Variants in EIF3D observed in about 807,000 individuals in gnomAD.
The protein encoded by EIF3D is eukaryotic translation initiation factor 3 subunit D, also known as eIF3 p66.
Under a neutral mutation model 75.4 loss-of-function variants are expected in EIF3D, and 10 were observed. That is an observed-to-expected ratio of 0.13 (90% CI 0.08 to 0.22). EIF3D has a LOEUF of 0.22. Among genes scored for constraint, EIF3D ranks in the 10% least tolerant of loss-of-function variants. The pLI is 1.00. For synonymous variants in EIF3D, 246 were observed against 248.3 expected, an observed-to-expected ratio of 0.99 and a Z score of 0.09; for missense variants, 394 against 708.0, an observed-to-expected ratio of 0.56 and a Z score of 5.03.
intron 5 of EIF3D, among the ~76,000 whole-genome samples, chr22:36,523,487 G>C (rs1019000290): frequency 1.3e-5 from 2 of 152,210 alleles, no homozygotes; most frequent in Non-Finnish European, 2.9e-5. Context: ...ATACTGACCA[G>C]ATGATTTTAC....
intron 12 of EIF3D, among the ~76,000 whole-genome samples, chr22:36,514,817 G>A (rs1409427796): frequency 6.6e-6 from 1 of 152,178 alleles, no homozygotes; most frequent in Non-Finnish European, 1.5e-5. Flanking sequence ...GCCTTGTTTG[G>A]ATTTGTGGCC....
chr22:36,513,365 C>T (rs770882406), intron 12 of EIF3D, among the ~76,000 whole-genome samples: 3 of 151,820 alleles, frequency 2.0e-5, no homozygotes, highest in Admixed American at 6.6e-5. Flanking sequence ...TGCAGTGGCA[C>T]GATCTTGGCT....
intron 2 of EIF3D, 70 bp downstream of exon 2, chr22:36,525,913 GATTTTGAGACAATAAA>G: frequency 6.5e-7 from 1 of 1,530,572 alleles, no homozygotes; most frequent in South Asian, 1.3e-5. Context: ...CAGGAGTTAA[GATTTTGAGACAATAAA>G]ATCTAAACAG....
chr22:36,511,003 G>A lies in EIF3D; in HGVS notation c.1634-3C>T, dbSNP rs1934324977. ...ATCACTGGTTTAAGTTTCTTCCTCTGAAAGACACAAAAAATGTAAGAGAAA... is the reference window on the plus strand; with the variant it reads ...ATCACTGGTTTAAGTTTCTTCCTCTAAAAGACACAAAAAATGTAAGAGAAA... On this transcript the variant is annotated splice_region_variant and splice_polypyrimidine_tract_variant and intron_variant, in intron 14 of 14. Coordinates refer to ENST00000216190, the MANE Select transcript of EIF3D (RefSeq NM_003753.4). 6.2e-7 allele frequency: 1 copy of A among 1,606,984 alleles called. No individual in the cohort carries two copies. Among genetic ancestry groups the A allele is most frequent in the Non-Finnish European group, 8.5e-7 (1 of 1,177,958 alleles).
chr22:36,527,563 G>T (rs1223484883), intron 1 of EIF3D, among the ~76,000 whole-genome samples: 1 of 152,206 alleles, frequency 6.6e-6, no homozygotes, highest in Non-Finnish European at 1.5e-5. Flanking sequence ...CTTGGAGGCC[G>T]GGCGCGGTGG....
intron 5 of EIF3D, among the ~76,000 whole-genome samples, 179 bp from the exon 6 acceptor site, chr22:36,523,460 AG>A (rs1934547485): frequency 6.6e-6 from 1 of 152,216 alleles, no homozygotes; most frequent in Non-Finnish European, 1.5e-5. Flanking sequence ...GTGTTAGAAA[AG>A]GTACACTGCC....
At chr22:36,518,344 C>T (rs574752707) in intron 9 of EIF3D, among the ~76,000 whole-genome samples, 25 of 152,058 alleles carry the variant, frequency 1.6e-4, no homozygotes, top group South Asian at 1.2e-3. Context: ...TAGAAAGTAG[C>T]CAGGCGTAAT....
chr22:36,515,107 A>G (rs1174578278), intron 12 of EIF3D, among the ~76,000 whole-genome samples: 1 of 152,210 alleles, frequency 6.6e-6, no homozygotes, highest in Non-Finnish European at 1.5e-5. Flanking sequence ...CTGTGAGCCA[A>G]TTAAACCTCT....
chr22:36,521,742 C>G (rs898685413), intron 6 of EIF3D, among the ~76,000 whole-genome samples: 2 of 137,630 alleles, frequency 1.5e-5, no homozygotes, highest in African/African-American at 5.6e-5. Flanking sequence ...GCCGGGCCAA[C>G]ATGGTAAAAC....
chr22:36,516,413 T>C, intron 12 of EIF3D, 65 bp downstream of exon 12: 1 of 1,570,814 alleles, frequency 6.4e-7, no homozygotes, highest in Non-Finnish European at 8.7e-7. Flanking sequence ...CTAGCCTGCG[T>C]AAACAGGCAC....
chr22:36,526,142 T>C lies in EIF3D; in HGVS notation c.-10-11A>G. 1 of 1,595,204 alleles carries C rather than the reference T, an allele frequency of 6.3e-7. No homozygotes were observed. On this transcript the variant is annotated splice_polypyrimidine_tract_variant and intron_variant, in intron 1 of 14. Transcript: ENST00000216190. ...GCCATCTTCCAAAATCTGAAAAATA[T>C]AAATCATGTGAGTAGCGGCATGAAC...
intron 8 of EIF3D, among the ~76,000 whole-genome samples, chr22:36,519,134 C>T (rs753754040): frequency 9.2e-5 from 14 of 152,220 alleles, no homozygotes; most frequent in Admixed American, 2.0e-4. Flanking sequence ...GCTTCAGATG[C>T]TTTCACCTTT....
chr22:36,520,534 C>T (rs761592759), intron 7 of EIF3D, 42 bp downstream of exon 7: 1 of 1,421,150 alleles, frequency 7.0e-7, no homozygotes, highest in Non-Finnish European at 9.9e-7. Context: ...CTGGTCCACA[C>T]ACATAAGAGC....
At chr22:36,512,634 C>T (rs1934358133) in intron 12 of EIF3D, 32 bp from the exon 13 acceptor site, 1 of 1,596,516 alleles carries the variant, frequency 6.3e-7, no homozygotes, top group Admixed American at 1.7e-5. Context: ...GAAACAGAAG[C>T]AAGCTCCAAA....
Position 36,511,004 on chromosome 22 carries a change from A to G in EIF3D, c.1634-4T>C. 1 of 1,606,078 alleles carries G rather than the reference A, an allele frequency of 6.2e-7. No homozygotes were observed. Among genetic ancestry groups the G allele is most frequent in the Non-Finnish European group, 8.5e-7 (1 of 1,177,708 alleles). ...TCACTGGTTTAAGTTTCTTCCTCTG[A>G]AAGACACAAAAAATGTAAGAGAAAT... On this transcript the variant is annotated splice_region_variant and splice_polypyrimidine_tract_variant and intron_variant, in intron 14 of 14. Coordinates refer to ENST00000216190, the MANE Select transcript of EIF3D (RefSeq NM_003753.4).
rs772694939 is a variant in EIF3D, at chr22:36,524,581, T to C, written c.306+15A>G. 1.3e-5 allele frequency: 21 copies of C among 1,613,990 alleles called. No homozygotes were observed. The highest frequency in any genetic ancestry group is 1.7e-4 in the Middle Eastern group (1 of 6,048). On this transcript the variant is annotated intron_variant, in intron 4 of 14. Coordinates refer to ENST00000216190, the MANE Select transcript of EIF3D (RefSeq NM_003753.4). ...AACAGCCCCAAGATGGTGTGGTTGC[T>C]GGCTCTTGGCCTACCTGGGCAAATC...
Position 36,511,531 on chromosome 22 carries a change from T to C in EIF3D, c.1605A>G (p.Glu535=). Residue 535 remains glutamate, a synonymous_variant, in exon 14 of 15, where the codon GAA becomes GAG. Coordinates refer to ENST00000216190, the MANE Select transcript of EIF3D (RefSeq NM_003753.4). The part of the protein sequence containing the change: ...GTFSSDEDEE[E]EEEEEEEEEE... ...CTTCTTCCTCTTCTTCCTCCTCCTC[T>C]TCCTCCTCATCTTCATCAGAGCTGA... 6.2e-7 allele frequency: 1 copy of C among 1,613,902 alleles called. No homozygotes were observed. Among genetic ancestry groups the C allele is most frequent in the Non-Finnish European group, 8.5e-7 (1 of 1,179,894 alleles).
chr22:36,522,774 C>T (rs1006150538), intron 6 of EIF3D, among the ~76,000 whole-genome samples: 18 of 152,132 alleles, frequency 1.2e-4, no homozygotes, highest in Non-Finnish European at 2.9e-5. Flanking sequence ...GGAATAAATG[C>T]CTCATGCCCT....
Position 36,516,781 on chromosome 22 carries a change from T to C in EIF3D, c.1000A>G (p.Arg334Gly), listed in dbSNP as rs753034103. Residue 334 changes from arginine (R) to glycine (G), a missense_variant, in exon 11 of 15, where the codon AGA becomes GGA. Arg to Gly is a moderately radical substitution (Grantham distance 125, BLOSUM62 -2). Coordinates refer to ENST00000216190, the MANE Select transcript of EIF3D (RefSeq NM_003753.4). ...GGGTTTGGGTTGGGGAAGTTGTATC[T>C]TTCCTTCCCCTGCAAAAACAAAGGT... ...SQQCLRMGKE[R>G]YNFPNPNPFV... 6.2e-7 allele frequency: 1 copy of C among 1,614,178 alleles called. No homozygotes were observed. Among genetic ancestry groups the C allele is most frequent in the African/African-American group, 1.3e-5 (1 of 75,050 alleles).
Sources: allele counts gnomAD v4.1 joint callset (sites outside exome capture counted in the v4.1 genomes callset), GRCh38; gene constraint gnomAD v4.1.1; transcripts MANE v1.5; gene names NCBI Gene and HGNC (gene_info 2026-07-23, HGNC 2026-07-21).